CLNK: variants seen among roughly 807,000 people sequenced by gnomAD.
CLNK encodes the protein cytokine dependent hematopoietic cell linker.
A neutral mutation model predicts 68.6 loss-of-function variants in CLNK; 74 were observed. The observed-to-expected ratio is 1.08, with a 90% CI of 0.89 to 1.31. The LOEUF (loss-of-function observed/expected upper bound fraction) is 1.31. CLNK is among the 50% of genes most tolerant of loss of function. The pLI is 0.00. For synonymous variants in CLNK, 198 were observed against 172.2 expected (o/e 1.15, Z -1.17); for missense variants, 553 against 515.3 (o/e 1.07, Z -0.71).
At chr4:10,627,678 G>A (rs1429571945) in intron 2 of CLNK, among the ~76,000 whole-genome samples, 1 of 152,106 alleles carries the variant, frequency 6.6e-6, no homozygotes, top group African/African-American at 2.4e-5. Flanking sequence ...GCTGCAGGGT[G>A]ATTGCTAACT....
At chr4:10,633,094 C>T (rs1722952516) in intron 2 of CLNK, among the ~76,000 whole-genome samples, 1 of 152,138 alleles carries the variant, frequency 6.6e-6, no homozygotes. Context: ...TGTGCTACCA[C>T]ACTAGGCTAA....
At chr4:10,717,299 G>A in the CLNK span, among the ~76,000 whole-genome samples, 1 of 152,166 alleles carries the variant, frequency 6.6e-6, no homozygotes, top group South Asian at 2.1e-4. Context: ...CAGAGGGGGT[G>A]GAGTAAAAAG....
intron 3 of CLNK, among the ~76,000 whole-genome samples, chr4:10,594,235 C>A (rs1721299043): frequency 6.6e-6 from 1 of 152,188 alleles, no homozygotes; most frequent in Non-Finnish European, 1.5e-5. Flanking sequence ...GACATTTCCC[C>A]AGTGGGGAAA....
intron 3 of CLNK, among the ~76,000 whole-genome samples, chr4:10,592,828 A>G (rs1312110806): frequency 1.3e-5 from 2 of 151,906 alleles, no homozygotes; most frequent in African/African-American, 4.8e-5. Context: ...CGAGTTCAAG[A>G]GATTTTCCTG....
chr4:10,664,284 G>C (rs1360457480), intron 2 of CLNK, among the ~76,000 whole-genome samples: 1 of 152,120 alleles, frequency 6.6e-6, no homozygotes, highest in Non-Finnish European at 1.5e-5. Context: ...TTTGGGGAAG[G>C]ACACTGAAAT....
intron 1 of CLNK, among the ~76,000 whole-genome samples, chr4:10,674,618 C>T (rs1053822548): frequency 6.6e-6 from 1 of 152,130 alleles, no homozygotes; most frequent in African/African-American, 2.4e-5. Flanking sequence ...GTACTCTCCT[C>T]CAGGTATAAA....
chr4:10,523,747 A>C (rs989616503), intron 14 of CLNK, among the ~76,000 whole-genome samples: 3 of 152,206 alleles, frequency 2.0e-5, no homozygotes, highest in African/African-American at 7.2e-5. Flanking sequence ...AAAGGGGGCC[A>C]GGCATGGTGG....
intron 4 of CLNK, among the ~76,000 whole-genome samples, chr4:10,580,940 A>G (rs1471467838): frequency 1.3e-5 from 2 of 152,214 alleles, no homozygotes; most frequent in African/African-American, 4.8e-5. Flanking sequence ...GCATTCACTC[A>G]CCACTCATTC....
intron 2 of CLNK, among the ~76,000 whole-genome samples, chr4:10,644,643 A>T (rs1483899645): frequency 6.6e-6 from 1 of 152,214 alleles, no homozygotes; most frequent in African/African-American, 2.4e-5. Flanking sequence ...GGCACCAAAC[A>T]ATGTCAGTAA....
chr4:10,673,035 C>A (rs1418990607), intron 1 of CLNK, among the ~76,000 whole-genome samples: 1 of 152,146 alleles, frequency 6.6e-6, no homozygotes, highest in Non-Finnish European at 1.5e-5. Flanking sequence ...CCTATCACAT[C>A]CAAAGATTTT....
chr4:10,565,967 G>A (rs374292425), intron 6 of CLNK, 42 bp downstream of exon 6: 19 of 1,598,510 alleles, frequency 1.2e-5, no homozygotes, highest in Admixed American at 1.8e-5. Context: ...ATGGTGGCAT[G>A]TACATGCATC....
intron 2 of CLNK, among the ~76,000 whole-genome samples, chr4:10,605,114 A>G (rs1307940070): frequency 1.3e-5 from 2 of 152,190 alleles, no homozygotes; most frequent in Non-Finnish European, 2.9e-5. Context: ...ATTTAGTTTT[A>G]AGACTACAAC....
chr4:10,728,209 T>C, the CLNK span, among the ~76,000 whole-genome samples: 1 of 151,892 alleles, frequency 6.6e-6, no homozygotes, highest in Non-Finnish European at 1.5e-5. Context: ...ATGTCAGGAG[T>C]GATGACACTG....
At chr4:10,599,515 GCTT>G (rs1263534779) in intron 2 of CLNK, among the ~76,000 whole-genome samples, 4 of 151,932 alleles carry the variant, frequency 2.6e-5, no homozygotes, top group Admixed American at 1.3e-4. Flanking sequence ...TCCAAATACA[GCTT>G]AATTCACATA....
At chr4:10,578,857 C>T (rs1473083283) in intron 4 of CLNK, among the ~76,000 whole-genome samples, 1 of 152,206 alleles carries the variant, frequency 6.6e-6, no homozygotes, top group Non-Finnish European at 1.5e-5. Context: ...CAGGTGTGCG[C>T]CACCATGCCC....
At chr4:10,579,100 C>G (rs140828570) in intron 4 of CLNK, among the ~76,000 whole-genome samples, 2 of 152,262 alleles carry the variant, frequency 1.3e-5, no homozygotes, top group Non-Finnish European at 2.9e-5. Flanking sequence ...TACTGTGCTG[C>G]TTTTCACAGT....
chr4:10,592,026 C>A (rs1577152206), intron 3 of CLNK, among the ~76,000 whole-genome samples: 1 of 152,238 alleles, frequency 6.6e-6, no homozygotes, highest in East Asian at 1.9e-4. Context: ...CCGAGTGAGG[C>A]TCCCACCTCC....
chr4:10,719,787 G>T, the CLNK span, among the ~76,000 whole-genome samples: 3 of 152,214 alleles, frequency 2.0e-5, no homozygotes, highest in East Asian at 5.8e-4. Context: ...AGTGTCCATA[G>T]AACATATATC....
chr4:10,727,371 C>T, the CLNK span, among the ~76,000 whole-genome samples: 23 of 152,284 alleles, frequency 1.5e-4, no homozygotes, highest in Middle Eastern at 6.8e-3. Flanking sequence ...AAGATCATTT[C>T]GTCAGTTACC....
Sources: gnomAD v4.1 joint callset for allele counts (sites outside exome capture counted in the v4.1 genomes callset) on GRCh38, gnomAD v4.1.1 for gene constraint, MANE v1.5 for transcripts, NCBI Gene and HGNC (gene_info 2026-07-23, HGNC 2026-07-21) for gene names.